The following JPH3 variants were observed in gnomAD, a reference collection of about 807,000 sequenced individuals.
JPH3 encodes junctophilin-3.
JPH3 carries 11 observed loss-of-function variants against 59.6 expected under a neutral mutation model. That is an observed-to-expected ratio of 0.18 (90% CI 0.12 to 0.31). The LOEUF (loss-of-function observed/expected upper bound fraction) is 0.31. JPH3 is among the 10% of genes least tolerant of loss of function. The pLI is 1.00. For missense variants in JPH3, 1,202 were observed against 1,105.7 expected (o/e 1.09, Z -1.24); for synonymous variants, 673 against 483.6 (o/e 1.39, Z -5.14).
At chr16:87,664,957 C>T (rs929744066) in intron 2 of JPH3, among the ~76,000 whole-genome samples, 6 of 152,352 alleles carry the variant, frequency 3.9e-5, no homozygotes, top group East Asian at 1.9e-4. Flanking sequence ...CCCCTGAAAC[C>T]GCCACCACAC....
In JPH3 at chr16:87,631,371, G is replaced by A. The variant is rs569350122; in HGVS notation, c.383-12887G>A. 3.9e-5 allele frequency among the ~76,000 whole-genome samples: 6 copies of A among 152,160 alleles called. No homozygotes were observed. The South Asian group carries it at 1.2e-3, about 32-fold the overall frequency. On this transcript the variant is annotated intron_variant, in intron 1 of 4. Transcript: ENST00000284262. ...TAAATTGGTATGCATAGTATGCTAG[G>A]TTGAAAATCATTTCTGCTCATAATT...
chr16:87,664,074 G>A (rs1267814813), intron 2 of JPH3, among the ~76,000 whole-genome samples: 1 of 149,788 alleles, frequency 6.7e-6, no homozygotes, highest in African/African-American at 2.5e-5. Flanking sequence ...GCTCACGCCT[G>A]TAATCCCAGC....
chr16:87,694,873 A>AGCATGCACTGCTCCTGCGCTTTCTCTGTG, intron 4 of JPH3: 1 of 206,916 alleles, frequency 4.8e-6, no homozygotes, highest in South Asian at 8.5e-5. Context: ...CTTCTCACGC[A>AGCATGCACTGCTCCTGCGCTTTCTCTGTG]GCATGCACTG....
At chr16:87,646,841 T>C (rs56232565) in intron 2 of JPH3, among the ~76,000 whole-genome samples, 30,916 of 152,134 alleles carry the variant, frequency 0.2, 3,621 homozygotes, top group East Asian at 0.34. Flanking sequence ...GACAGTGCCC[T>C]GCAGGACTGA....
chr16:87,684,503 C>G, intron 3 of JPH3: 1 of 560,604 alleles, frequency 1.8e-6, no homozygotes, highest in Non-Finnish European at 3.1e-6. Context: ...TCCCACAGTC[C>G]TTGGGGCACC....
intron 1 of JPH3, among the ~76,000 whole-genome samples, chr16:87,642,370 T>G (rs1449097047): frequency 6.6e-6 from 1 of 152,120 alleles, no homozygotes; most frequent in Non-Finnish European, 1.5e-5. Flanking sequence ...CCAGCTCCTG[T>G]CCATTTTGTC....
chr16:87,644,584 C>G lies in JPH3; in HGVS notation c.709C>G (p.Gln237Glu). Residue 237 changes from glutamine (Q) to glutamate (E), a missense_variant, in exon 2 of 5, where the codon CAA (glutamine) becomes GAA (glutamate). By Grantham distance (29) the Gln-to-Glu change is conservative (BLOSUM62 2). Transcript: ENST00000284262. ...GGAGTCCAAGAGCAGCCTGGCCAGC[C>G]AACGCAGCAAGCAGAGCTCCTTTCG... ...KSESKSSLASQRSKQSSFRSE... is the reference protein window; with the variant it reads ...KSESKSSLASERSKQSSFRSE... 2 of 1,612,962 alleles carry G rather than the reference C, an allele frequency of 1.2e-6. No individual in the cohort carries two copies. Among genetic ancestry groups the G allele is most frequent in the Non-Finnish European group, 1.7e-6 (2 of 1,179,850 alleles).
At chr16:87,646,511 TC>T (rs1474818535) in intron 2 of JPH3, among the ~76,000 whole-genome samples, 17 of 152,218 alleles carry the variant, frequency 1.1e-4, no homozygotes, top group African/African-American at 4.1e-4. Context: ...AGTTATTTTT[TC>T]CATCATAAAT....
At chr16:87,626,579 C>T (rs927071493) in intron 1 of JPH3, among the ~76,000 whole-genome samples, 1 of 152,268 alleles carries the variant, frequency 6.6e-6, no homozygotes, top group African/African-American at 2.4e-5. Flanking sequence ...CTGCCTGAGC[C>T]CGGTGCTCCA....
At chr16:87,607,516 C>T (rs2030568601) in intron 1 of JPH3, among the ~76,000 whole-genome samples, 1 of 152,282 alleles carries the variant, frequency 6.6e-6, no homozygotes, top group Admixed American at 6.5e-5. Flanking sequence ...AACGCAGCCA[C>T]TGCGCCCTTG....
intron 2 of JPH3, among the ~76,000 whole-genome samples, chr16:87,662,429 T>C (rs897792000): frequency 6.6e-6 from 1 of 152,136 alleles, no homozygotes; most frequent in African/African-American, 2.4e-5. Context: ...CGTCTGATTT[T>C]TTTTTTTTAG....
chr16:87,617,488 C>G (rs560832607), intron 1 of JPH3, among the ~76,000 whole-genome samples: 1 of 152,024 alleles, frequency 6.6e-6, no homozygotes, highest in African/African-American at 2.4e-5. Flanking sequence ...AGTTGTATGG[C>G]TGAGTTCACG....
At chr16:87,609,087 C>A (rs932571215) in intron 1 of JPH3, among the ~76,000 whole-genome samples, 1 of 152,188 alleles carries the variant, frequency 6.6e-6, no homozygotes, top group Admixed American at 6.5e-5. Context: ...GCATGGATTC[C>A]ATGCTCCAGG....
rs150758745 is a variant in JPH3, at chr16:87,675,668, T to C, written c.1161-8474T>C. 8.5e-4 allele frequency among the ~76,000 whole-genome samples: 129 copies of C among 152,346 alleles called. 2 individuals are homozygous for C. The highest frequency in any genetic ancestry group is 2.9e-3 in the African/African-American group (122 of 41,588). ...TGGCTTTCTAGAGTTTTGTCTGATT[T>C]TATAGCAGAGTTTCTGTTAACTCAA... On this transcript the variant is annotated intron_variant, in intron 2 of 4. Transcript: ENST00000284262.
intron 1 of JPH3, among the ~76,000 whole-genome samples, chr16:87,610,615 A>G (rs1044908438): frequency 1.3e-5 from 2 of 152,190 alleles, no homozygotes; most frequent in African/African-American, 4.8e-5. Context: ...TAGTTAAAGG[A>G]AAGTTTTTCC....
At chr16:87,682,201 G>C (rs1183182866) in intron 2 of JPH3, among the ~76,000 whole-genome samples, 2 of 151,334 alleles carry the variant, frequency 1.3e-5, no homozygotes, top group Non-Finnish European at 2.9e-5. Flanking sequence ...ATTACTCTCT[G>C]TATGTAAATG....
intron 1 of JPH3, among the ~76,000 whole-genome samples, chr16:87,621,943 G>C (rs1402355333): frequency 6.6e-6 from 1 of 152,226 alleles, no homozygotes; most frequent in Non-Finnish European, 1.5e-5. Flanking sequence ...TTAGTCGAGA[G>C]GGGGGATGGT....
chr16:87,640,138 C>T (rs576217752), intron 1 of JPH3, among the ~76,000 whole-genome samples: 225 of 152,182 alleles, frequency 1.5e-3, no homozygotes, highest in Non-Finnish European at 2.6e-3. Flanking sequence ...ACCATCCTGG[C>T]CAACATGGTG....
At chr16:87,630,861 G>A (rs1231943342) in intron 1 of JPH3, among the ~76,000 whole-genome samples, 1 of 152,090 alleles carries the variant, frequency 6.6e-6, no homozygotes, top group South Asian at 2.1e-4. Flanking sequence ...CCCACTCCCA[G>A]CTATCTCAAT....
Sources: gnomAD v4.1 joint callset for allele counts (sites outside exome capture counted in the v4.1 genomes callset) on GRCh38, gnomAD v4.1.1 for gene constraint, MANE v1.5 for transcripts, NCBI Gene and HGNC (gene_info 2026-07-23, HGNC 2026-07-21) for gene names.